Variants in UBAP1 observed in about 807,000 individuals in gnomAD.
UBAP1 encodes the protein ubiquitin-associated protein 1.
In UBAP1, 5 loss-of-function variants were observed where a neutral mutation model predicts 39.0. The ratio of observed to expected loss-of-function variants is 0.13; its 90% CI spans 0.07 to 0.27. UBAP1 has a LOEUF of 0.27. UBAP1 is among the 10% of genes least tolerant of loss of function. UBAP1 has a pLI of 1.00. For synonymous variants in UBAP1, 211 were observed against 225.1 expected, an observed-to-expected ratio of 0.94 and a Z score of 0.56; for missense variants, 490 against 608.1, an observed-to-expected ratio of 0.81 and a Z score of 2.04.
rs1485309498 is a variant in UBAP1, at chr9:34,180,749, C to CAGCAGATAACTTTACTAACCTGCT, written c.-8+1512_-8+1535dup. ...GTGAGTGACCATCGCTGTCATTGCA[C>CAGCAGATAACTTTACTAACCTGCT]AGCAGATAACTTTACTAACCTGCTA... On this transcript the variant is annotated intron_variant, in intron 1 of 6. Coordinates refer to ENST00000297661, the MANE Select transcript of UBAP1 (RefSeq NM_016525.5). 9.9e-5 allele frequency among the ~76,000 whole-genome samples: 15 copies of CAGCAGATAACTTTACTAACCTGCT among 151,562 alleles called. No homozygotes were observed. The East Asian group carries it at 2.7e-3, about 27-fold the overall frequency.
chr9:34,240,062 T>C (rs1243666637), intron 3 of UBAP1, among the ~76,000 whole-genome samples: 1 of 152,184 alleles, frequency 6.6e-6, no homozygotes, highest in Non-Finnish European at 1.5e-5. Flanking sequence ...GGGAAGTTAG[T>C]TATAGCCTCC....
chr9:34,250,598 C>G, intron 5 of UBAP1, 60 bp from the exon 6 acceptor site: 1 of 1,409,512 alleles, frequency 7.1e-7, no homozygotes, highest in Non-Finnish European at 9.9e-7. Flanking sequence ...TTGTTGAGGT[C>G]TCTTGGAAAG....
chr9:34,233,759 G>A (rs911332348), intron 2 of UBAP1, among the ~76,000 whole-genome samples: 2 of 152,100 alleles, frequency 1.3e-5, no homozygotes, highest in African/African-American at 4.8e-5. Context: ...TAAGTAGGGC[G>A]GGTCAGGGTA....
intron 3 of UBAP1, among the ~76,000 whole-genome samples, chr9:34,234,995 A>T (rs1405241599): frequency 6.6e-6 from 1 of 152,162 alleles, no homozygotes; most frequent in African/African-American, 2.4e-5. Context: ...ATACAGTGAA[A>T]CAAGATGGGA....
intron 1 of UBAP1, among the ~76,000 whole-genome samples, chr9:34,210,602 C>A (rs1472814100): frequency 6.6e-6 from 1 of 151,792 alleles, no homozygotes; most frequent in African/African-American, 2.4e-5. Flanking sequence ...GCCTGTAGTA[C>A]CAGCTACCTG....
chr9:34,198,076 G>A (rs1831163325), intron 1 of UBAP1, among the ~76,000 whole-genome samples: 1 of 152,198 alleles, frequency 6.6e-6, no homozygotes, highest in Admixed American at 6.5e-5. Context: ...GAGGTTAGGT[G>A]GGGCTTGTTC....
chr9:34,209,482 G>T (rs1831899956), intron 1 of UBAP1, among the ~76,000 whole-genome samples: 1 of 151,938 alleles, frequency 6.6e-6, no homozygotes, highest in South Asian at 2.1e-4. Flanking sequence ...TGTTATTTGG[G>T]GCAATTCAGT....
rs1563881334 is a variant in UBAP1 at position 34,182,677 on chromosome 9, T to TCTCTC, written c.-8+3437_-8+3438insCTCTC. ...TTTCTTTCTTTCTTTCTTTCTTTCT[T>TCTCTC]TCTTTCTCTCTCTCTTTCTTTTCTT... On this transcript the variant is annotated intron_variant, in intron 1 of 6. Coordinates refer to ENST00000297661, the MANE Select transcript of UBAP1 (RefSeq NM_016525.5). 5.6e-4 allele frequency among the ~76,000 whole-genome samples: 40 copies of TCTCTC among 71,998 alleles called. No homozygotes were observed. In the South Asian group the frequency reaches 7.5e-3, roughly 14 times the overall value. 47.2% of individuals were successfully genotyped at this position (71,998 alleles called of 152,430 possible).
chr9:34,242,923 A>G (rs1469623781), intron 4 of UBAP1, among the ~76,000 whole-genome samples: 1 of 152,188 alleles, frequency 6.6e-6, no homozygotes, highest in African/African-American at 2.4e-5. Context: ...AGACCATAAC[A>G]AGCCTGCTAT....
chr9:34,214,621 A>G (rs184742543), intron 1 of UBAP1, among the ~76,000 whole-genome samples: 23 of 152,336 alleles, frequency 1.5e-4, no homozygotes, highest in Admixed American at 1.2e-3. Context: ...CAAATGCAAT[A>G]AAAACAAAGA....
chr9:34,215,891 ATCTT>A (rs1832284380), intron 1 of UBAP1, among the ~76,000 whole-genome samples: 3 of 152,016 alleles, frequency 2.0e-5, no homozygotes, highest in Admixed American at 2.0e-4. Context: ...CCTTAGAAAA[ATCTT>A]TATGTGCCCA....
intron 1 of UBAP1, among the ~76,000 whole-genome samples, chr9:34,189,628 AATT>A (rs978416152): frequency 3.3e-5 from 5 of 151,666 alleles, no homozygotes; most frequent in African/African-American, 4.8e-5. Flanking sequence ...CAAATTTGGA[AATT>A]ATTATTATTA....
At chr9:34,246,449 T>C (rs1834183270) in intron 4 of UBAP1, among the ~76,000 whole-genome samples, 1 of 152,250 alleles carries the variant, frequency 6.6e-6, no homozygotes, top group African/African-American at 2.4e-5. Context: ...AAATTCTCCC[T>C]TTGAAAATTC....
chr9:34,187,480 A>G lies in UBAP1; in HGVS notation c.-8+8240A>G, dbSNP rs183888885. 3.9e-5 allele frequency among the ~76,000 whole-genome samples: 6 copies of G among 152,334 alleles called. No individual in the cohort carries two copies. In the East Asian group the frequency reaches 9.6e-4, roughly 24 times the overall value. On this transcript the variant is annotated intron_variant, in intron 1 of 6. Coordinates refer to ENST00000297661, the MANE Select transcript of UBAP1 (RefSeq NM_016525.5). ...AACTGAGACACCAACAGATTTGTGA[A>G]TGAGATGTGCATCTTATTAAATGTT...
chr9:34,214,576 C>T (rs888945515), intron 1 of UBAP1, among the ~76,000 whole-genome samples: 19 of 152,152 alleles, frequency 1.2e-4, no homozygotes, highest in African/African-American at 4.6e-4. Flanking sequence ...TAGACATTGG[C>T]TTAGGCGAGG....
intron 1 of UBAP1, among the ~76,000 whole-genome samples, chr9:34,198,407 CAGGCAGGT>C (rs1831181785): frequency 1.3e-5 from 2 of 152,056 alleles, no homozygotes; most frequent in Admixed American, 6.6e-5. Flanking sequence ...CCTGGTTGGG[CAGGCAGGT>C]TGCCTGGTTG....
chr9:34,210,324 C>T (rs1466692903), intron 1 of UBAP1, among the ~76,000 whole-genome samples: 1 of 152,162 alleles, frequency 6.6e-6, no homozygotes, highest in African/African-American at 2.4e-5. Flanking sequence ...TCAGACTTAA[C>T]CTGACTGAAA....
At chr9:34,231,069 G>A (rs1234073529) in intron 2 of UBAP1, among the ~76,000 whole-genome samples, 1 of 151,238 alleles carries the variant, frequency 6.6e-6, no homozygotes, top group East Asian at 1.9e-4. Context: ...CAAGGATGCA[G>A]TGAGCCATGA....
chr9:34,223,392 T>G (rs1214278560), intron 2 of UBAP1, among the ~76,000 whole-genome samples: 1 of 149,782 alleles, frequency 6.7e-6, no homozygotes, highest in East Asian at 2.0e-4. Context: ...ATGGTGCCAA[T>G]GCACTCCATT....
Sources: allele counts gnomAD v4.1 joint callset (sites outside exome capture counted in the v4.1 genomes callset), GRCh38; gene constraint gnomAD v4.1.1; transcripts MANE v1.5; gene names NCBI Gene and HGNC (gene_info 2026-07-23, HGNC 2026-07-21).